Variants in SCUBE1 observed in about 807,000 individuals in gnomAD.
SCUBE1 encodes signal peptide, CUB and EGF-like domain-containing protein 1.
A neutral mutation model predicts 124.4 loss-of-function variants in SCUBE1; 59 were observed. The observed-to-expected ratio is 0.47, with a 90% CI of 0.38 to 0.59. The LOEUF is 0.59. SCUBE1 is among the 20% of genes least tolerant of loss of function. The pLI is 0.00. For synonymous variants in SCUBE1, 545 were observed against 550.9 expected (o/e 0.99, Z 0.15); for missense variants, 1,150 against 1,371.2 (o/e 0.84, Z 2.55).
chr22:43,339,371 AGG>A, intron 1 of SCUBE1, 136 bp from the exon 2 acceptor site: 1 of 800,866 alleles, frequency 1.2e-6, no homozygotes, highest in Non-Finnish European at 1.9e-6. Context: ...CAGCTGTCAC[AGG>A]ACAATCTGGT....
chr22:43,268,263 T>C (rs1278424300), intron 4 of SCUBE1, among the ~76,000 whole-genome samples: 3 of 152,252 alleles, frequency 2.0e-5, no homozygotes. Context: ...CCCGGATTTG[T>C]GTCACGTCTG....
intron 4 of SCUBE1, among the ~76,000 whole-genome samples, chr22:43,277,479 T>C (rs994654879): frequency 3.3e-5 from 5 of 152,202 alleles, no homozygotes; most frequent in Non-Finnish European, 7.4e-5. Flanking sequence ...AGGGGCTCCT[T>C]GTGTCACAGG....
At position 43,333,327 on chromosome 22, in the gene SCUBE1, T is replaced by C. The variant is rs946505575; in HGVS notation, c.220+5777A>G. Among the ~76,000 whole-genome samples, 10 of 152,308 alleles carry C rather than the reference T, an allele frequency of 6.6e-5. No individual in the cohort carries two copies. In the East Asian group the frequency reaches 1.9e-3, roughly 29 times the overall value. On this transcript the variant is annotated intron_variant, in intron 2 of 21. Coordinates refer to ENST00000360835, the MANE Select transcript of SCUBE1 (RefSeq NM_173050.5). Reference sequence around the variant, plus strand: ...GCTACAGCAAGCCCTCTACCGGCATTAGGCTGACCGCAGGGGGCCCCAGGC... The same window carrying C: ...GCTACAGCAAGCCCTCTACCGGCATCAGGCTGACCGCAGGGGGCCCCAGGC...
intron 5 of SCUBE1, among the ~76,000 whole-genome samples, chr22:43,261,187 T>C (rs1308258253): frequency 6.6e-6 from 1 of 152,200 alleles, no homozygotes; most frequent in Non-Finnish European, 1.5e-5. Context: ...AGCATTTCTG[T>C]TCTGAGGTGG....
intron 10 of SCUBE1, 35 bp from the exon 11 acceptor site, chr22:43,223,251 G>T: frequency 6.5e-7 from 1 of 1,545,740 alleles, no homozygotes; most frequent in Non-Finnish European, 8.6e-7. Context: ...GCTGAGAGAG[G>T]CCAGGGCGGA....
chr22:43,286,334 G>A (rs1249736377), intron 4 of SCUBE1, among the ~76,000 whole-genome samples: 4 of 152,278 alleles, frequency 2.6e-5, no homozygotes, highest in African/African-American at 7.2e-5. Flanking sequence ...GCCCCGCTGT[G>A]AGCCTGTGCT....
rs1340801468 is a variant in SCUBE1 at position 43,222,714 on chromosome 22, G to A, written c.1356C>T (p.Cys452=). 1.2e-6 allele frequency: 2 copies of A among 1,605,528 alleles called. No homozygotes were observed. The highest frequency in any genetic ancestry group is 1.7e-6 in the Non-Finnish European group (2 of 1,176,260). ...PDSENSYVLS[C]GVPGPQGKAL... The stretch of plus-strand genomic sequence containing the variant: ...CCTTGCCCTGCGGCCCTGGAACTCC[G>A]CAGCTCAGGACGTAGCTATTTTCCG... The change falls in exon 12 of 22, where the codon TGC becomes TGT. Residue 452 remains cysteine (C), a synonymous_variant. Transcript: ENST00000360835.
chr22:43,220,249 A>C (rs1937578029), intron 14 of SCUBE1, among the ~76,000 whole-genome samples: 1 of 152,088 alleles, frequency 6.6e-6, no homozygotes, highest in Admixed American at 6.5e-5. Context: ...TGCCTCTTCT[A>C]TCCTGGGCTG....
intron 2 of SCUBE1, among the ~76,000 whole-genome samples, chr22:43,327,605 G>A (rs139653111): frequency 0.012 from 1,797 of 152,090 alleles, 27 homozygotes; most frequent in African/African-American, 0.041. Flanking sequence ...TGGCCAACAT[G>A]TGAAACCCTG....
At chr22:43,308,695 C>T (rs1391563856) in intron 3 of SCUBE1, among the ~76,000 whole-genome samples, 2 of 152,224 alleles carry the variant, frequency 1.3e-5, no homozygotes, top group African/African-American at 4.8e-5. Context: ...TGGGCACTCG[C>T]CGGTGACTTC....
intron 5 of SCUBE1, 128 bp downstream of exon 5, chr22:43,262,592 G>T: frequency 9.1e-7 from 1 of 1,100,882 alleles, no homozygotes; most frequent in Non-Finnish European, 1.3e-6. Flanking sequence ...CACAGGCCCT[G>T]CCCTTCTCTC....
Position 43,257,163 on chromosome 22 carries a change from G to T in SCUBE1, c.727+1056C>A, listed in dbSNP as rs1485394825. Among the ~76,000 whole-genome samples the T allele has an allele frequency of 2.0e-5, 3 of 152,252 alleles. No individual in the cohort carries two copies. In the East Asian group the frequency reaches 5.8e-4, roughly 29 times the overall value. On this transcript the variant is annotated intron_variant, in intron 6 of 21. Coordinates refer to ENST00000360835, the MANE Select transcript of SCUBE1 (RefSeq NM_173050.5). Reference sequence around the variant, plus strand: ...ACAGCCTGGTGCCCGCTCGGGCCCTGCTCCCTGAGACCCAAGGGAACAGCG... The same window carrying T: ...ACAGCCTGGTGCCCGCTCGGGCCCTTCTCCCTGAGACCCAAGGGAACAGCG...
intron 15 of SCUBE1, among the ~76,000 whole-genome samples, chr22:43,218,030 C>G (rs1569497951): frequency 6.6e-6 from 1 of 151,894 alleles, no homozygotes; most frequent in African/African-American, 2.4e-5. Context: ...CACTCCTTGT[C>G]CCTCCTCAGA....
intron 8 of SCUBE1, among the ~76,000 whole-genome samples, chr22:43,229,981 C>T (rs1282608710): frequency 1.3e-5 from 2 of 152,228 alleles, no homozygotes; most frequent in Non-Finnish European, 2.9e-5. Context: ...TCTTTGAAAA[C>T]ATTAGCTCAT....
At chr22:43,300,632 C>G (rs529619570) in intron 3 of SCUBE1, among the ~76,000 whole-genome samples, 1 of 152,094 alleles carries the variant, frequency 6.6e-6, no homozygotes, top group East Asian at 1.9e-4. Flanking sequence ...GGATACTAGA[C>G]CCTTACCAGA....
intron 2 of SCUBE1, among the ~76,000 whole-genome samples, chr22:43,326,382 T>C (rs1926729243): frequency 6.6e-6 from 1 of 152,118 alleles, no homozygotes; most frequent in Non-Finnish European, 1.5e-5. Context: ...TCCTTATTGA[T>C]GAATAAATCT....
At chr22:43,279,315 G>C (rs1924665139) in intron 4 of SCUBE1, among the ~76,000 whole-genome samples, 1 of 152,228 alleles carries the variant, frequency 6.6e-6, no homozygotes, top group Admixed American at 6.5e-5. Context: ...TTGCTCTCTG[G>C]CAGTGCTTCT....
At chr22:43,294,090 A>C (rs1157994513) in intron 3 of SCUBE1, among the ~76,000 whole-genome samples, 1 of 152,208 alleles carries the variant, frequency 6.6e-6, no homozygotes, top group Non-Finnish European at 1.5e-5. Context: ...AGGGCCATGT[A>C]AACATGTCTT....
intron 11 of SCUBE1, 61 bp downstream of exon 11, chr22:43,223,036 G>C: frequency 6.7e-7 from 1 of 1,491,018 alleles, no homozygotes; most frequent in Non-Finnish European, 8.9e-7. Flanking sequence ...AGCAATGGTG[G>C]GACCCCAGGG....
Sources: gnomAD v4.1 joint callset for allele counts (sites outside exome capture counted in the v4.1 genomes callset) on GRCh38, gnomAD v4.1.1 for gene constraint, MANE v1.5 for transcripts, NCBI Gene and HGNC (gene_info 2026-07-23, HGNC 2026-07-21) for gene names.